ARHGEF7: variants seen among roughly 807,000 people sequenced by gnomAD.
ARHGEF7 encodes the protein Rho guanine nucleotide exchange factor 7.
A neutral mutation model predicts 109.8 loss-of-function variants in ARHGEF7; 33 were observed. The observed-to-expected ratio is 0.30, with a 90% confidence interval of 0.23 to 0.40. The LOEUF (loss-of-function observed/expected upper bound fraction) is 0.40, where lower values mean the gene tolerates loss of function less well. ARHGEF7 is among the 10% of genes least tolerant of loss of function. The pLI is 1.00. For synonymous variants in ARHGEF7, 458 were observed against 424.6 expected (o/e 1.08, Z -0.97); for missense variants, 938 against 1,098.5 (o/e 0.85, Z 2.07).
chr13:111,302,759 A>G (rs1301816760), intron 21 of ARHGEF7, among the ~76,000 whole-genome samples: 1 of 152,212 alleles, frequency 6.6e-6, no homozygotes, highest in Admixed American at 6.5e-5. Flanking sequence ...GGACTTAATA[A>G]GAGCCATTAG....
intron 1 of ARHGEF7, among the ~76,000 whole-genome samples, chr13:111,123,243 C>T (rs554217015): frequency 6.6e-6 from 1 of 152,214 alleles, no homozygotes; most frequent in African/African-American, 2.4e-5. Context: ...TGTCTACCTC[C>T]GAGGAGACCC....
chr13:111,273,591 ATTG>A lies in ARHGEF7; in HGVS notation c.1074-219_1074-217del, dbSNP rs2092311877. 6.6e-6 allele frequency among the ~76,000 whole-genome samples: 1 copy of A among 152,188 alleles called. No homozygotes were observed. The highest frequency in any genetic ancestry group is 2.4e-5 in the African/African-American group (1 of 41,436). ...CACATGTCCTGTGCTGTGTATAGTTATTGTTGCTCATATGAGAGCAGGAACGGG... is the reference window on the plus strand; with the variant it reads ...CACATGTCCTGTGCTGTGTATAGTTATTGCTCATATGAGAGCAGGAACGGG... On this transcript the variant is annotated intron_variant, in intron 9 of 21. Coordinates refer to ENST00000646102, the MANE Select transcript of ARHGEF7 (RefSeq NM_001354046.2). The surrounding 1 kb of genome is among the most constrained non-coding windows in gnomAD (Gnocchi z 4.5).
chr13:111,204,299 C>T (rs1028743727), intron 2 of ARHGEF7, among the ~76,000 whole-genome samples: 3 of 152,140 alleles, frequency 2.0e-5, no homozygotes, highest in Non-Finnish European at 4.4e-5. Flanking sequence ...TGCTTATTTC[C>T]GGTAATCTCA....
At chr13:111,270,328 G>A (rs759529378) in intron 9 of ARHGEF7, among the ~76,000 whole-genome samples, 1 of 152,202 alleles carries the variant, frequency 6.6e-6, no homozygotes, top group Non-Finnish European at 1.5e-5. Context: ...CACTGTGTAC[G>A]GGCTGCTGGC....
intron 19 of ARHGEF7, among the ~76,000 whole-genome samples, chr13:111,299,563 C>T (rs371049910): frequency 7.9e-5 from 12 of 152,000 alleles, no homozygotes; most frequent in African/African-American, 2.9e-4. Flanking sequence ...AGGTTGGTCT[C>T]GATCTCCTGA....
intron 1 of ARHGEF7, among the ~76,000 whole-genome samples, chr13:111,150,452 T>C (rs1037777021): frequency 1.3e-5 from 2 of 152,224 alleles, no homozygotes; most frequent in African/African-American, 4.8e-5. Flanking sequence ...CACATCTTCT[T>C]CCTTCATGTC....
chr13:111,255,672 C>G lies in ARHGEF7; in HGVS notation c.950+11378C>G, dbSNP rs1367769478. On this transcript the variant is annotated intron_variant, in intron 8 of 21. Transcript: ENST00000646102. The surrounding 1 kb of genome is among the most constrained non-coding windows in gnomAD (Gnocchi z 4.1). Reference sequence around the variant, plus strand: ...CTGGCTGGTGTTCGTGAAAGAAGATCTGTTTTCAGTCACATTGGTGAGGGA... The same window carrying G: ...CTGGCTGGTGTTCGTGAAAGAAGATGTGTTTTCAGTCACATTGGTGAGGGA... Among the ~76,000 whole-genome samples the G allele has an allele frequency of 6.6e-6, 1 of 152,226 alleles. No individual in the cohort carries two copies. Among genetic ancestry groups the G allele is most frequent in the Non-Finnish European group, 1.5e-5 (1 of 68,040 alleles).
At chr13:111,210,735 A>G (rs1220800561) in intron 4 of ARHGEF7, among the ~76,000 whole-genome samples, 2 of 152,206 alleles carry the variant, frequency 1.3e-5, no homozygotes, top group African/African-American at 4.8e-5. Context: ...GCGGGCAGTG[A>G]CTTCGATTGG....
intron 8 of ARHGEF7, among the ~76,000 whole-genome samples, chr13:111,261,741 T>G (rs1318625075): frequency 1.3e-5 from 2 of 152,112 alleles, no homozygotes; most frequent in Non-Finnish European, 2.9e-5. Context: ...ATGAGATTCA[T>G]CTCTTAAAAA....
intron 21 of ARHGEF7, among the ~76,000 whole-genome samples, chr13:111,302,213 G>A (rs1038710806): frequency 6.6e-6 from 1 of 152,174 alleles, no homozygotes; most frequent in Middle Eastern, 3.2e-3. Context: ...TCTGGGTATT[G>A]CACGGAATGT....
At chr13:111,151,981 TGA>T (rs1164684576) in intron 1 of ARHGEF7, among the ~76,000 whole-genome samples, 2 of 152,202 alleles carry the variant, frequency 1.3e-5, no homozygotes, top group East Asian at 3.8e-4. Flanking sequence ...CATATATGAC[TGA>T]GAGTGCTTCA....
chr13:111,218,107 C>T (rs2083356778), intron 5 of ARHGEF7, among the ~76,000 whole-genome samples: 1 of 152,118 alleles, frequency 6.6e-6, no homozygotes, highest in Admixed American at 6.5e-5. Context: ...TGGCATTTTC[C>T]AGACGTGAAG....
At chr13:111,178,542 G>A (rs2078393949) in intron 2 of ARHGEF7, among the ~76,000 whole-genome samples, 1 of 152,304 alleles carries the variant, frequency 6.6e-6, no homozygotes, top group African/African-American at 2.4e-5. Context: ...TATCCACTTG[G>A]GATTCTGAGT....
chr13:111,202,151 G>A (rs1225694743), intron 2 of ARHGEF7, among the ~76,000 whole-genome samples: 3 of 152,198 alleles, frequency 2.0e-5, no homozygotes, highest in East Asian at 1.9e-4. Context: ...ATCCTAAAGC[G>A]TATTATGGTG....
At chr13:111,159,685 CTGTT>C (rs935511880) in intron 2 of ARHGEF7, among the ~76,000 whole-genome samples, 11 of 152,124 alleles carry the variant, frequency 7.2e-5, no homozygotes, top group Non-Finnish European at 1.3e-4. Flanking sequence ...GGAGAAATGT[CTGTT>C]TGGGTCCTTT....
intron 1 of ARHGEF7, among the ~76,000 whole-genome samples, chr13:111,116,168 G>A (rs2066759785): frequency 1.3e-5 from 2 of 152,204 alleles, no homozygotes; most frequent in Non-Finnish European, 2.9e-5. Flanking sequence ...TATTTTTAAA[G>A]AGGCACGCAT....
In ARHGEF7 at chr13:111,159,224, T is replaced by A. The variant is rs138031260; in HGVS notation, c.252+5233T>A. The A allele has an allele frequency of 3.7e-4, 231 of 621,504 alleles. 2 individuals are homozygous for A. In the East Asian group the frequency reaches 6.1e-3, roughly 16 times the overall value. The allele number at this position is 621,504 out of a possible 1,614,324, so 38.5% of individuals were successfully genotyped here. On this transcript the variant is annotated intron_variant, in intron 2 of 21. Coordinates refer to ENST00000646102, the MANE Select transcript of ARHGEF7 (RefSeq NM_001354046.2). ...TGCAAATAACAGGATTTCCTTTTTT[T>A]AAAAGTCTGACTAGTATTCTATTGT... is the stretch of plus-strand genomic sequence containing the variant.
chr13:111,249,356 T>C (rs1236811664), intron 8 of ARHGEF7, among the ~76,000 whole-genome samples: 1 of 152,120 alleles, frequency 6.6e-6, no homozygotes. Flanking sequence ...TTTACGTAGC[T>C]GCAGTTGAGG....
intron 2 of ARHGEF7, among the ~76,000 whole-genome samples, chr13:111,170,614 G>A (rs980340757): frequency 6.6e-6 from 1 of 152,182 alleles, no homozygotes; most frequent in African/African-American, 2.4e-5. Flanking sequence ...TAAGTGGCCG[G>A]GGAAAGTGCT....
Sources: allele counts gnomAD v4.1 joint callset (sites outside exome capture counted in the v4.1 genomes callset), GRCh38; gene constraint gnomAD v4.1.1; non-coding constraint Gnocchi (gnomAD v3.1); transcripts MANE v1.5; gene names NCBI Gene and HGNC (gene_info 2026-07-23, HGNC 2026-07-21).